The following CCPG1 variants were observed in gnomAD, a reference collection of about 807,000 sequenced individuals.
CCPG1 encodes cell cycle progression protein 1.
CCPG1 carries 46 observed loss-of-function variants against 81.3 expected under a neutral mutation model. The observed-to-expected ratio is 0.57, with a 90% confidence interval of 0.45 to 0.72. The LOEUF is 0.72. Ranked by LOEUF, CCPG1 falls within the 30% of genes least tolerant of loss-of-function variation. The pLI, the probability that CCPG1 is intolerant of heterozygous loss-of-function variation, is 0.00. For missense variants in CCPG1, 902 were observed against 937.6 expected, an observed-to-expected ratio of 0.96 and a Z score of 0.50; for synonymous variants, 330 against 305.2, an observed-to-expected ratio of 1.08 and a Z score of -0.85.
At chr15:55,379,161 CGTGTGTGTGTGTGT>C (rs57640801) in intron 3 of CCPG1, among the ~76,000 whole-genome samples, 2 of 134,682 alleles carry the variant, frequency 1.5e-5, no homozygotes, top group Admixed American at 7.4e-5. Context: ...TGTATATGTA[CGTGTGTGTGTGTGT>C]GTGTGTGTGT....
chr15:55,368,773 T>G (rs183777902), intron 6 of CCPG1, among the ~76,000 whole-genome samples: 1 of 152,344 alleles, frequency 6.6e-6, no homozygotes, highest in Admixed American at 6.5e-5. Context: ...GCACCAGGGC[T>G]GGCAAACGCA....
At chr15:55,374,093 A>G (rs2056508709) in intron 5 of CCPG1, 12 of 927,348 alleles carry the variant, frequency 1.3e-5, no homozygotes, top group Non-Finnish European at 1.8e-5. Context: ...GCACTCGGTA[A>G]ATAGTAAATG....
chr15:55,360,932 T>G lies in CCPG1; in HGVS notation c.841A>C (p.Asn281His). ...GTAAGTGTCCAACACCTTGCAAGAT[T>G]TTCTTTCAATGACTACATTTTTTTT... ...SFIDYKSLKE[N>H]LARCWTLTEA... The change falls in exon 8 of 9, where the codon AAT becomes CAT. Residue 281 changes from asparagine (N) to histidine (H), a missense_variant. Coordinates refer to ENST00000442196, the MANE Select transcript of CCPG1 (RefSeq NM_001204450.2). 6.5e-7 allele frequency: 1 copy of G among 1,536,064 alleles called. No homozygotes were observed. The highest frequency in any genetic ancestry group is 1.3e-5 in the South Asian group (1 of 78,964).
intron 1 of CCPG1, among the ~76,000 whole-genome samples, chr15:55,406,954 CCT>C (rs2057238556): frequency 6.6e-6 from 1 of 150,582 alleles, no homozygotes. Flanking sequence ...GTGGGTCACG[CCT>C]GTAATCCCAG....
rs1407026391 is a variant in CCPG1, at chr15:55,360,527, T to C, written c.1246A>G (p.Asn416Asp). The change falls in exon 8 of 9, where the codon AAT becomes GAT. Residue 416 changes from asparagine to aspartate, a missense_variant. Around this residue, in one of 3 missense-constraint regions of CCPG1, gnomAD observed 746 missense variants for 728.6 expected, o/e 1.02. Transcript: ENST00000442196. ...SQLHGKSDSP[N>D]VYTEKKEIAI... is the part of the protein sequence containing the mutation. ...ATTTCCTTTTTTTCAGTATATACAT[T>C]GGGAGAATCTGACTTGCCATGTAAC... 2.5e-6 allele frequency: 4 copies of C among 1,614,186 alleles called. No individual in the cohort carries two copies. The highest frequency in any genetic ancestry group is 3.4e-6 in the Non-Finnish European group (4 of 1,180,040).
chr15:55,360,525 A>T lies in CCPG1; in HGVS notation c.1248T>A (p.Asn416Lys). The T allele has an allele frequency of 6.2e-7, 1 of 1,614,018 alleles. No individual in the cohort carries two copies. The highest frequency in any genetic ancestry group is 2.2e-5 in the East Asian group (1 of 44,874). The change falls in exon 8 of 9, where the codon AAT becomes AAA. Residue 416 changes from asparagine (N) to lysine (K), a missense_variant. This residue lies in a region of CCPG1 where 746 missense variants were observed against 728.6 expected (regional missense o/e 1.02). Transcript: ENST00000442196. ...SQLHGKSDSP[N>K]VYTEKKEIAI... ...CTATTTCCTTTTTTTCAGTATATAC[A>T]TTGGGAGAATCTGACTTGCCATGTA...
At chr15:55,390,766 T>C (rs188151254) in intron 1 of CCPG1, among the ~76,000 whole-genome samples, 16,707 of 152,134 alleles carry the variant, frequency 0.11, 1,325 homozygotes, top group African/African-American at 0.22. Flanking sequence ...AAAGAGAGGA[T>C]ACAAAAAGGT....
intron 6 of CCPG1, 80 bp from the exon 7 acceptor site, chr15:55,365,389 T>C: frequency 1.2e-6 from 1 of 867,850 alleles, no homozygotes; most frequent in Non-Finnish European, 1.8e-6. Flanking sequence ...ATATTGGTAA[T>C]CTGCATATAA....
chr15:55,366,086 A>T (rs572412969), intron 6 of CCPG1, among the ~76,000 whole-genome samples: 1 of 152,318 alleles, frequency 6.6e-6, no homozygotes, highest in East Asian at 1.9e-4. Flanking sequence ...ACATTTAAGC[A>T]GTTCACTATC....
intron 3 of CCPG1, among the ~76,000 whole-genome samples, chr15:55,385,251 C>T (rs944508590): frequency 6.6e-5 from 10 of 152,166 alleles, no homozygotes; most frequent in African/African-American, 1.9e-4. Context: ...CTGCAAACTC[C>T]GCCTCCCAGG....
intron 3 of CCPG1, among the ~76,000 whole-genome samples, chr15:55,383,614 C>T (rs1406823880): frequency 6.6e-6 from 1 of 152,256 alleles, no homozygotes; most frequent in African/African-American, 2.4e-5. Context: ...CCACCTTCAT[C>T]CATTATCTCA....
chr15:55,366,308 ATTTT>A (rs61214049), intron 6 of CCPG1, among the ~76,000 whole-genome samples: 1 of 147,832 alleles, frequency 6.8e-6, no homozygotes, highest in Non-Finnish European at 1.5e-5. Flanking sequence ...AAAAATGAAA[ATTTT>A]TTTTTTTTTT....
At chr15:55,367,712 C>T (rs1327841233) in intron 6 of CCPG1, among the ~76,000 whole-genome samples, 1 of 152,030 alleles carries the variant, frequency 6.6e-6, no homozygotes, top group Non-Finnish European at 1.5e-5. Flanking sequence ...CTGTGCTTAC[C>T]ATCTATTTAT....
intron 1 of CCPG1, among the ~76,000 whole-genome samples, chr15:55,397,559 C>T (rs1469178685): frequency 1.3e-5 from 2 of 152,090 alleles, no homozygotes; most frequent in African/African-American, 2.4e-5. Flanking sequence ...GGTACAGCAG[C>T]CAACAGGACT....
intron 3 of CCPG1, among the ~76,000 whole-genome samples, chr15:55,384,125 G>T (rs1488664239): frequency 6.6e-6 from 1 of 152,108 alleles, no homozygotes; most frequent in African/African-American, 2.4e-5. Flanking sequence ...GCCACTGTAG[G>T]GTTATTAATT....
At chr15:55,379,339 A>C (rs1039924314) in intron 3 of CCPG1, among the ~76,000 whole-genome samples, 7 of 152,104 alleles carry the variant, frequency 4.6e-5, no homozygotes, top group African/African-American at 1.7e-4. Flanking sequence ...CCTGGGCAAC[A>C]CAGCAAGACC....
chr15:55,376,179 T>C (rs1355848121), intron 5 of CCPG1, among the ~76,000 whole-genome samples: 1 of 152,202 alleles, frequency 6.6e-6, no homozygotes, highest in Non-Finnish European at 1.5e-5. Flanking sequence ...TGTTTCAAGT[T>C]GTCTCTGCCA....
intron 1 of CCPG1, among the ~76,000 whole-genome samples, chr15:55,392,256 G>A (rs1165308254): frequency 1.4e-5 from 2 of 142,682 alleles, no homozygotes; most frequent in Non-Finnish European, 3.0e-5. Context: ...TCTGTCACCA[G>A]GCTGGAGTGC....
At chr15:55,367,433 G>A (rs2099577102) in intron 6 of CCPG1, among the ~76,000 whole-genome samples, 1 of 152,072 alleles carries the variant, frequency 6.6e-6, no homozygotes, top group Non-Finnish European at 1.5e-5. Flanking sequence ...GCTACCTAAA[G>A]TCTTATCCTC....
Sources: allele counts gnomAD v4.1 joint callset (sites outside exome capture counted in the v4.1 genomes callset), GRCh38; gene constraint gnomAD v4.1.1; regional missense constraint gnomAD v4.1.1; transcripts MANE v1.5; gene names NCBI Gene and HGNC (gene_info 2026-07-23, HGNC 2026-07-21).